LRFN5: variants seen among roughly 807,000 people sequenced by gnomAD.
LRFN5 encodes leucine-rich repeat and fibronectin type-III domain-containing protein 5.
In LRFN5, 24 loss-of-function variants were observed where a neutral mutation model predicts 45.6. That is an observed-to-expected ratio of 0.53 (90% confidence interval 0.38 to 0.74). The LOEUF (loss-of-function observed/expected upper bound fraction) is 0.74, where lower values mean the gene tolerates loss of function less well. Ranked by LOEUF, LRFN5 falls within the 30% of genes least tolerant of loss-of-function variation. The pLI, the probability that LRFN5 is intolerant of heterozygous loss-of-function variation, is 0.00. For missense variants in LRFN5, 776 were observed against 861.5 expected (o/e 0.90, Z 1.24); for synonymous variants, 340 against 313.8 (o/e 1.08, Z -0.88).
At chr14:41,883,901 C>A (rs574087868) in intron 2 of LRFN5, among the ~76,000 whole-genome samples, 1 of 152,152 alleles carries the variant, frequency 6.6e-6, no homozygotes, top group East Asian at 1.9e-4. Flanking sequence ...TCTGATATTG[C>A]AATTACGTAT....
chr14:41,670,900 T>A (rs1485355587), intron 1 of LRFN5, among the ~76,000 whole-genome samples: 7 of 152,080 alleles, frequency 4.6e-5, no homozygotes, highest in Non-Finnish European at 8.8e-5. Flanking sequence ...TATTTCACTT[T>A]TAAAAGCTTC....
chr14:41,744,094 C>T (rs902601819), intron 1 of LRFN5, among the ~76,000 whole-genome samples: 1 of 152,094 alleles, frequency 6.6e-6, no homozygotes, highest in Non-Finnish European at 1.5e-5. Flanking sequence ...TACCTCATGC[C>T]TATAATCCTA....
chr14:41,612,650 A>T (rs926283364), intron 1 of LRFN5, among the ~76,000 whole-genome samples: 4 of 152,106 alleles, frequency 2.6e-5, no homozygotes, highest in Admixed American at 2.6e-4. Flanking sequence ...CAGAGCCCAC[A>T]TTTTTATTCC....
At chr14:41,734,204 G>T (rs545876795) in intron 1 of LRFN5, among the ~76,000 whole-genome samples, 2 of 140,604 alleles carry the variant, frequency 1.4e-5, no homozygotes, top group Non-Finnish European at 3.1e-5. Context: ...TAGAGATGGG[G>T]TTTCACCATG....
Position 41,858,560 on chromosome 14 carries a change from T to A in LRFN5, c.-20-28046T>A, listed in dbSNP as rs1315809126. Among the ~76,000 whole-genome samples the A allele has an allele frequency of 2.0e-5, 3 of 152,114 alleles. No homozygotes were observed. In the East Asian group the frequency reaches 5.8e-4, roughly 29 times the overall value. On this transcript the variant is annotated intron_variant, in intron 2 of 5. Transcript: ENST00000298119. Reference sequence around the variant, plus strand: ...TTTGGGACTTTTCCTCAGCCTTGCATGGGACTGGACAATGCTAAAAACTAA... The same window carrying A: ...TTTGGGACTTTTCCTCAGCCTTGCAAGGGACTGGACAATGCTAAAAACTAA...
At position 41,901,607 on chromosome 14, in the gene LRFN5, C is replaced by A. The variant is rs367725175; in HGVS notation, c.2143-2551C>A. On this transcript the variant is annotated intron_variant, in intron 5 of 5. Coordinates refer to ENST00000298119, the MANE Select transcript of LRFN5 (RefSeq NM_152447.5). ...AAAAGTGTAAACTTTGCAATAAAAT[C>A]TCTGTTACAGATGAGTACAATTTTT... Among the ~76,000 whole-genome samples the A allele has an allele frequency of 2.2e-3, 336 of 152,106 alleles. 2 individuals carry two copies. Among genetic ancestry groups the A allele is most frequent in the African/African-American group, 7.8e-3 (324 of 41,522 alleles).
At chr14:41,665,648 C>T (rs995574796) in intron 1 of LRFN5, among the ~76,000 whole-genome samples, 1 of 151,962 alleles carries the variant, frequency 6.6e-6, no homozygotes, top group Non-Finnish European at 1.5e-5. Flanking sequence ...AGGTTTGTGT[C>T]TCTTACTGCT....
chr14:41,663,178 C>A (rs1020300540), intron 1 of LRFN5, among the ~76,000 whole-genome samples: 2 of 152,042 alleles, frequency 1.3e-5, no homozygotes, highest in Non-Finnish European at 2.9e-5. Flanking sequence ...ATTTGTTAGG[C>A]CAAGGGGCGT....
At chr14:41,875,724 A>G (rs1002551478) in intron 2 of LRFN5, among the ~76,000 whole-genome samples, 2 of 152,208 alleles carry the variant, frequency 1.3e-5, no homozygotes, top group African/African-American at 4.8e-5. Flanking sequence ...TTGCCTTCCA[A>G]GTTGTTCTGA....
At chr14:41,642,543 T>C (rs1242344561) in intron 1 of LRFN5, among the ~76,000 whole-genome samples, 3 of 152,146 alleles carry the variant, frequency 2.0e-5, no homozygotes, top group Admixed American at 6.6e-5. Context: ...TGGTTCCTCA[T>C]TGTTATTTAG....
intron 2 of LRFN5, among the ~76,000 whole-genome samples, chr14:41,824,532 C>T (rs1244968736): frequency 1.3e-5 from 2 of 152,156 alleles, no homozygotes; most frequent in Non-Finnish European, 2.9e-5. Context: ...GATTGCGGAG[C>T]TCAGGAAGCT....
At chr14:41,762,463 A>G (rs893232831) in intron 1 of LRFN5, among the ~76,000 whole-genome samples, 3 of 152,152 alleles carry the variant, frequency 2.0e-5, no homozygotes, top group African/African-American at 7.2e-5. Context: ...ATTTTTTCCA[A>G]TAACAAATGC....
At chr14:41,691,773 T>A (rs1594620204) in intron 1 of LRFN5, among the ~76,000 whole-genome samples, 1 of 152,252 alleles carries the variant, frequency 6.6e-6, no homozygotes, top group East Asian at 1.9e-4. Flanking sequence ...CATTCCTTAC[T>A]ATTCCCAGAG....
intron 2 of LRFN5, among the ~76,000 whole-genome samples, chr14:41,819,123 A>T (rs2139008662): frequency 6.6e-6 from 1 of 152,288 alleles, no homozygotes; most frequent in East Asian, 1.9e-4. Flanking sequence ...ATCACATTTT[A>T]ATCGAATTAT....
intron 4 of LRFN5, among the ~76,000 whole-genome samples, chr14:41,895,645 T>G (rs1594505575): frequency 6.6e-6 from 1 of 151,116 alleles, no homozygotes; most frequent in East Asian, 1.9e-4. Context: ...AAAAAAAAAG[T>G]AAATAAATGA....
chr14:41,770,326 C>A (rs1237742776), intron 2 of LRFN5, among the ~76,000 whole-genome samples: 1 of 152,134 alleles, frequency 6.6e-6, no homozygotes, highest in Admixed American at 6.6e-5. Context: ...TTTCAGATTG[C>A]AAAATACAAT....
intron 1 of LRFN5, among the ~76,000 whole-genome samples, chr14:41,711,756 T>TA (rs1200622854): frequency 1.3e-5 from 2 of 152,102 alleles, no homozygotes; most frequent in South Asian, 4.2e-4. Flanking sequence ...TCTGAAAACA[T>TA]AAAAAAACGC....
intron 1 of LRFN5, among the ~76,000 whole-genome samples, chr14:41,702,211 G>A (rs911966255): frequency 1.3e-5 from 2 of 152,074 alleles, no homozygotes; most frequent in African/African-American, 4.8e-5. Context: ...GGTAAATTGA[G>A]GTTTTTGTCT....
At chr14:41,855,695 A>C (rs1185116081) in intron 2 of LRFN5, among the ~76,000 whole-genome samples, 4 of 148,948 alleles carry the variant, frequency 2.7e-5, no homozygotes, top group African/African-American at 9.7e-5. Flanking sequence ...AAGCTGAATA[A>C]ACATTTGAAT....
Sources: allele counts gnomAD v4.1 joint callset (sites outside exome capture counted in the v4.1 genomes callset), GRCh38; gene constraint gnomAD v4.1.1; transcripts MANE v1.5; gene names NCBI Gene and HGNC (gene_info 2026-07-23, HGNC 2026-07-21).